MAGI3: variants seen among roughly 807,000 people sequenced by gnomAD.
MAGI3 encodes membrane associated guanylate kinase, WW and PDZ domain containing 3.
In MAGI3, 43 loss-of-function variants were observed where a neutral mutation model predicts 121.8. The observed-to-expected ratio is 0.35, with a 90% CI of 0.28 to 0.46. The LOEUF (loss-of-function observed/expected upper bound fraction) is 0.46. Ranked by LOEUF, MAGI3 falls within the 20% of genes least tolerant of loss-of-function variation. The probability of loss-of-function intolerance (pLI) is 1.00; values close to 1 mark genes in which losing one functional copy is unlikely to be tolerated. For synonymous variants in MAGI3, 553 were observed against 639.3 expected, an observed-to-expected ratio of 0.86 and a Z score of 2.04; for missense variants, 1,547 against 1,797.3, an observed-to-expected ratio of 0.86 and a Z score of 2.52.
chr1:113,671,320 G>A lies in MAGI3; in HGVS notation c.2816-414G>A, dbSNP rs115474504. Among the ~76,000 whole-genome samples, 256 of 152,194 alleles carry A rather than the reference G, an allele frequency of 1.7e-3. 1 individual carries two copies. The highest frequency in any genetic ancestry group is 2.7e-3 in the Non-Finnish European group (181 of 68,016). ...GAGTGTGGTTTGCAGACTGGCCTCC[G>A]TGTTCCAGCATTCCTGAGACCCGGC... On this transcript the variant is annotated intron_variant, in intron 16 of 20. Transcript: ENST00000307546.
intron 6 of MAGI3, among the ~76,000 whole-genome samples, chr1:113,605,307 A>G (rs2101760184): frequency 6.6e-6 from 1 of 152,326 alleles, no homozygotes. Context: ...AATACTACTC[A>G]TGAGTAAAAA....
intron 6 of MAGI3, among the ~76,000 whole-genome samples, chr1:113,598,222 A>ACC (rs142358447): frequency 4.1e-4 from 47 of 114,876 alleles, no homozygotes; most frequent in Non-Finnish European, 6.8e-4. Context: ...CCATCCCCCC[A>ACC]CCCCCCCTCC....
chr1:113,617,176 A>T (rs923118850), intron 7 of MAGI3, among the ~76,000 whole-genome samples: 1 of 152,356 alleles, frequency 6.6e-6, no homozygotes, highest in Non-Finnish European at 1.5e-5. Flanking sequence ...GGCGTGAGCT[A>T]CCATGCCCAG....
chr1:113,549,489 G>GTTTTTTTTTTTTTTTT, intron 1 of MAGI3, 26 bp from the exon 2 acceptor site: 1 of 1,028,310 alleles, frequency 9.7e-7, no homozygotes, highest in Non-Finnish European at 1.4e-6. Flanking sequence ...TTTATTTTCT[G>GTTTTTTTTTTTTTTTT]TTTTTTTTTT....
chr1:113,593,344 C>T (rs1570913567), intron 5 of MAGI3, among the ~76,000 whole-genome samples: 1 of 152,068 alleles, frequency 6.6e-6, no homozygotes, highest in African/African-American at 2.4e-5. Context: ...GAGTTCAAGA[C>T]CAGTCTAGGC....
intron 1 of MAGI3, among the ~76,000 whole-genome samples, chr1:113,459,945 A>G (rs1654947694): frequency 6.6e-6 from 1 of 152,230 alleles, no homozygotes; most frequent in African/African-American, 2.4e-5. Flanking sequence ...CTTGATACCA[A>G]AACCTGGCAG....
At chr1:113,514,949 C>G (rs556886336) in intron 1 of MAGI3, among the ~76,000 whole-genome samples, 1 of 152,002 alleles carries the variant, frequency 6.6e-6, no homozygotes, top group African/African-American at 2.4e-5. Context: ...ATTCTCACAT[C>G]TAGTAGTTCT....
Position 113,651,125 on chromosome 1 carries a change from A to G in MAGI3, c.2359A>G (p.Lys787Glu), listed in dbSNP as rs201234984. The change falls in exon 14 of 21, where the codon AAA becomes GAA. Residue 787 changes from lysine to glutamate, a missense_variant. Physicochemically the swap from Lys to Glu is moderately conservative, Grantham distance 56 (BLOSUM62 1). Coordinates refer to ENST00000307546, the MANE Select transcript of MAGI3 (RefSeq NM_001142782.2). Reference protein sequence around the residue: ...DGIPVKGKSHKQVLDLMTTAA... With the variant: ...DGIPVKGKSHEQVLDLMTTAA... Reference sequence around the variant, plus strand: ...AATTCCTGTTAAAGGGAAATCACACAAACAAGTCTTGGACCTCATGACAAC... The same window carrying G: ...AATTCCTGTTAAAGGGAAATCACACGAACAAGTCTTGGACCTCATGACAAC... 4 of 1,614,200 alleles carry G rather than the reference A, an allele frequency of 2.5e-6. No homozygotes were observed. The highest frequency in any genetic ancestry group is 2.2e-5 in the East Asian group (1 of 44,876).
At position 113,641,955 on chromosome 1, in the gene MAGI3, A is replaced by G. The variant is rs773592267; in HGVS notation, c.1405A>G (p.Thr469Ala). ...DINGNCVLGHTHADVVQMFQL... is the reference protein window; with the variant it reads ...DINGNCVLGHAHADVVQMFQL... ...CAATGGCAACTGTGTCCTCGGTCAC[A>G]CTCATGCAGATGTTGTCCAGATGTT... Residue 469 changes from threonine to alanine, a missense_variant, in exon 10 of 21, where the codon ACT becomes GCT. Physicochemically the swap from Thr to Ala is moderately conservative, Grantham distance 58. Coordinates refer to ENST00000307546, the MANE Select transcript of MAGI3 (RefSeq NM_001142782.2). 1 of 1,607,154 alleles carries G rather than the reference A, an allele frequency of 6.2e-7. No homozygotes were observed. Among genetic ancestry groups the G allele is most frequent in the East Asian group, 2.2e-5 (1 of 44,658 alleles).
At chr1:113,425,061 A>T (rs550619578) in intron 1 of MAGI3, among the ~76,000 whole-genome samples, 2 of 151,946 alleles carry the variant, frequency 1.3e-5, no homozygotes, top group South Asian at 4.2e-4. Context: ...TAGGAGGCTG[A>T]GGCAGGAGAA....
At chr1:113,522,007 A>G (rs2101627901) in intron 1 of MAGI3, among the ~76,000 whole-genome samples, 1 of 152,316 alleles carries the variant, frequency 6.6e-6, no homozygotes, top group African/African-American at 2.4e-5. Context: ...TCCACAAAAT[A>G]ACTCAAGAAC....
intron 1 of MAGI3, among the ~76,000 whole-genome samples, chr1:113,512,573 C>T (rs1657671499): frequency 6.6e-6 from 1 of 152,132 alleles, no homozygotes; most frequent in Admixed American, 6.6e-5. Context: ...CTGTCTTCTT[C>T]AGAGTGGTCT....
At chr1:113,626,960 TTTC>T (rs1651277691) in intron 9 of MAGI3, among the ~76,000 whole-genome samples, 1 of 152,042 alleles carries the variant, frequency 6.6e-6, no homozygotes, top group South Asian at 2.1e-4. Flanking sequence ...TCTTTCTGCT[TTTC>T]TTCTATTAAT....
chr1:113,505,018 C>A (rs972991137), intron 1 of MAGI3, among the ~76,000 whole-genome samples: 1 of 152,000 alleles, frequency 6.6e-6, no homozygotes, highest in Admixed American at 6.6e-5. Context: ...GTGTGTGAAC[C>A]TACACATTTA....
At chr1:113,608,767 C>G (rs1012309022) in intron 6 of MAGI3, among the ~76,000 whole-genome samples, 1 of 152,154 alleles carries the variant, frequency 6.6e-6, no homozygotes, top group African/African-American at 2.4e-5. Context: ...TCTTTATTCT[C>G]TAAGGAATTT....
intron 4 of MAGI3, among the ~76,000 whole-genome samples, chr1:113,586,658 CT>C (rs1333080063): frequency 6.6e-6 from 1 of 152,102 alleles, no homozygotes; most frequent in Non-Finnish European, 1.5e-5. Context: ...ACCGTTGAGC[CT>C]TTTAATGTTG....
At chr1:113,574,119 A>G (rs1647478716) in intron 2 of MAGI3, among the ~76,000 whole-genome samples, 1 of 152,050 alleles carries the variant, frequency 6.6e-6, no homozygotes, top group Admixed American at 6.5e-5. Flanking sequence ...TGAATACAGC[A>G]CACCAAAAGG....
At chr1:113,483,062 GC>G (rs1656190808) in intron 1 of MAGI3, among the ~76,000 whole-genome samples, 1 of 152,072 alleles carries the variant, frequency 6.6e-6, no homozygotes, top group Non-Finnish European at 1.5e-5. Context: ...ACCCACTTTG[GC>G]TTCCCAAAAT....
intron 5 of MAGI3, among the ~76,000 whole-genome samples, chr1:113,591,156 C>CA (rs1028394623): frequency 1.3e-5 from 2 of 151,806 alleles, no homozygotes; most frequent in Non-Finnish European, 1.5e-5. Context: ...TTTAAGTTCA[C>CA]AAAAAACATT....
Sources: gnomAD v4.1 joint callset for allele counts (sites outside exome capture counted in the v4.1 genomes callset) on GRCh38, gnomAD v4.1.1 for gene constraint, MANE v1.5 for transcripts, NCBI Gene and HGNC (gene_info 2026-07-23, HGNC 2026-07-21) for gene names.